The following PIKFYVE variants were observed in gnomAD, a reference collection of about 807,000 sequenced individuals.
The protein encoded by PIKFYVE is phosphoinositide kinase, FYVE-type zinc finger containing.
In PIKFYVE, 122 loss-of-function variants were observed where a neutral mutation model predicts 257.9. The observed-to-expected ratio is 0.47, with a 90% CI of 0.41 to 0.55. The LOEUF (loss-of-function observed/expected upper bound fraction) is 0.55. Ranked by LOEUF, PIKFYVE falls within the 20% of genes least tolerant of loss-of-function variation. The pLI, the probability that PIKFYVE is intolerant of heterozygous loss-of-function variation, is 0.00. For synonymous variants in PIKFYVE, 892 were observed against 868.9 expected, an observed-to-expected ratio of 1.03 and a Z score of -0.47; for missense variants, 2,160 against 2,536.6, an observed-to-expected ratio of 0.85 and a Z score of 3.19.
At chr2:208,313,719 A>T (rs1250560286) in intron 13 of PIKFYVE, among the ~76,000 whole-genome samples, 2 of 151,132 alleles carry the variant, frequency 1.3e-5, no homozygotes, top group African/African-American at 4.9e-5. Context: ...TGTAGCTGGG[A>T]TTACAGGCGT....
chr2:208,322,374 T>TAACAAA (rs1696348521), intron 17 of PIKFYVE, among the ~76,000 whole-genome samples: 1 of 97,808 alleles, frequency 1.0e-5, no homozygotes, highest in Non-Finnish European at 1.9e-5. Context: ...CCCTGTCTCT[T>TAACAAA]AAAAAAAAAA....
At chr2:208,300,207 G>A (rs1337436863) in intron 8 of PIKFYVE, among the ~76,000 whole-genome samples, 1 of 152,074 alleles carries the variant, frequency 6.6e-6, no homozygotes, top group Non-Finnish European at 1.5e-5. Context: ...ATCAGAAAAA[G>A]GCTTAAACTG....
Position 208,329,896 on chromosome 2 carries a change from A to G in PIKFYVE, c.3774A>G (p.Leu1258=). ...ATGATCTTACATTAGGAATATTTTT[A>G]GAGAGATACTGTTTCAGGTAAGAAC... ...GKNDLTLGIF[L]ERYCFRPSYQ... The change falls in exon 22 of 42, where the codon TTA becomes TTG. Residue 1258 remains leucine (L), a synonymous_variant. Transcript: ENST00000264380. 2 of 1,610,736 alleles carry G rather than the reference A, an allele frequency of 1.2e-6. No individual in the cohort carries two copies. The highest frequency in any genetic ancestry group is 1.1e-5 in the South Asian group (1 of 91,030).
chr2:208,326,040 A>G lies in PIKFYVE; in HGVS notation c.3229A>G (p.Thr1077Ala). 6.2e-7 allele frequency: 1 copy of G among 1,614,158 alleles called. No individual in the cohort carries two copies. Among genetic ancestry groups the G allele is most frequent in the Non-Finnish European group, 8.5e-7 (1 of 1,180,014 alleles). ...AACTGAAAAGGGGATGAGATGCTCT[A>G]CCCGAGATTATTTTGCAGAGCAGGT... ...LLTEKGMRCS[T>A]RDYFAEQVYW... Residue 1077 changes from threonine (T) to alanine (A), a missense_variant, in exon 20 of 42, where the codon ACC (threonine) becomes GCC (alanine). Physicochemically the swap from Thr to Ala is moderately conservative, Grantham distance 58. This residue lies in a region of PIKFYVE where 522 missense variants were observed against 514.6 expected (regional missense o/e 1.01). Transcript: ENST00000264380.
chr2:208,269,650 G>A, intron 1 of PIKFYVE: 1 of 261,410 alleles, frequency 3.8e-6, no homozygotes, highest in Non-Finnish European at 7.9e-6. Flanking sequence ...CATCACCTTG[G>A]CACTGGTGAG....
In PIKFYVE at chr2:208,339,424, GCTT is replaced by G; in HGVS notation, c.4683_4685del (p.Phe1561del). 1 of 1,614,032 alleles carries G rather than the reference GCTT, an allele frequency of 6.2e-7. No homozygotes were observed. Among genetic ancestry groups the G allele is most frequent in the African/African-American group, 1.3e-5 (1 of 75,024 alleles). The stretch of plus-strand genomic sequence containing the variant: ...AGATTGTGTTTTTCTTTAGAGGATC[GCTT>G]CTTAACAACTTTGTCCAGCCAGAGC... On this transcript the variant is annotated inframe_deletion, in exon 30 of 42. Coordinates refer to ENST00000264380, the MANE Select transcript of PIKFYVE (RefSeq NM_015040.4).
Position 208,276,708 on chromosome 2 carries a change from T to G in PIKFYVE, c.323-4T>G. 3.1e-6 allele frequency: 5 copies of G among 1,610,506 alleles called. No homozygotes were observed. Among genetic ancestry groups the G allele is most frequent in the Non-Finnish European group, 4.2e-6 (5 of 1,176,810 alleles). On this transcript the variant is annotated splice_polypyrimidine_tract_variant and splice_region_variant and intron_variant, in intron 3 of 41. Transcript: ENST00000264380. ...AAGGTTGCTTTTTTTTTAATCCAAC[T>G]CAGACACAAGAAGGAAAGCAGAACC...
chr2:208,285,975 A>C (rs771186531), intron 6 of PIKFYVE, 42 bp downstream of exon 6: 68 of 1,575,908 alleles, frequency 4.3e-5, no homozygotes, highest in Non-Finnish European at 5.9e-5. Flanking sequence ...GTTGAAAAAT[A>C]TCGATAGTTG....
At chr2:208,280,749 T>TC (rs1690698560) in intron 5 of PIKFYVE, among the ~76,000 whole-genome samples, 1 of 152,226 alleles carries the variant, frequency 6.6e-6, no homozygotes, top group Admixed American at 6.5e-5. Flanking sequence ...AAGTTGGACT[T>TC]ACAGCTACTT....
intron 12 of PIKFYVE, chr2:208,305,692 T>G (rs41311599): frequency 5.5e-6 from 1 of 182,310 alleles, no homozygotes; most frequent in South Asian, 1.9e-4. Context: ...ACATAAGAAA[T>G]GCCTGTTTTT....
At chr2:208,288,706 G>C (rs1174440130) in intron 6 of PIKFYVE, 23 bp from the exon 7 acceptor site, 1 of 1,613,278 alleles carries the variant, frequency 6.2e-7, no homozygotes, top group African/African-American at 1.3e-5. Context: ...AATTATTTCA[G>C]TATTTTCCTA....
intron 1 of PIKFYVE, among the ~76,000 whole-genome samples, chr2:208,271,072 A>C (rs548179658): frequency 1.3e-5 from 2 of 152,104 alleles, no homozygotes; most frequent in South Asian, 4.2e-4. Flanking sequence ...AAGGAAAATA[A>C]GACTGAAGAA....
At chr2:208,284,834 A>G (rs1691331495) in intron 5 of PIKFYVE, among the ~76,000 whole-genome samples, 1 of 151,776 alleles carries the variant, frequency 6.6e-6, no homozygotes, top group Admixed American at 6.6e-5. Flanking sequence ...TTTATTTTAT[A>G]TATGTTTATA....
rs530175167 is a variant in PIKFYVE, at chr2:208,324,892, A to G, written c.2332-19A>G. 1.1e-5 allele frequency: 18 copies of G among 1,612,404 alleles called. No individual in the cohort carries two copies. The highest frequency in any genetic ancestry group is 3.3e-5 in the Admixed American group (2 of 60,002). ...TATTCTTCTCTAGTTTTGTAATACA[A>G]TGTTTTTCTGTTTTGTAGCAAGTTT... On this transcript the variant is annotated intron_variant, in intron 18 of 41. Coordinates refer to ENST00000264380, the MANE Select transcript of PIKFYVE (RefSeq NM_015040.4).
chr2:208,307,971 A>AATTGTATGTATTTATGGGAT (rs1694523453), intron 12 of PIKFYVE, among the ~76,000 whole-genome samples: 3 of 152,324 alleles, frequency 2.0e-5, no homozygotes, highest in Admixed American at 2.0e-4. Flanking sequence ...GACAAATTAT[A>AATTGTATGTATTTATGGGAT]ATTGTATGTA....
In PIKFYVE at chr2:208,339,024, T is replaced by TA. The variant is rs1209653781; in HGVS notation, c.4673-393dup. The stretch of plus-strand genomic sequence containing the variant: ...AGACTGTAGAACCAGGAGCTCAACT[T>TA]ACAATTCTTGGCATTTTTCTATTAT... On this transcript the variant is annotated intron_variant, in intron 29 of 41. Coordinates refer to ENST00000264380, the MANE Select transcript of PIKFYVE (RefSeq NM_015040.4). Among the ~76,000 whole-genome samples, 12 of 152,326 alleles carry TA rather than the reference T, an allele frequency of 7.9e-5. No homozygotes were observed. The East Asian group carries it at 2.3e-3, about 29-fold the overall frequency.
chr2:208,319,535 T>C (rs1428384045), intron 16 of PIKFYVE, among the ~76,000 whole-genome samples: 2 of 152,196 alleles, frequency 1.3e-5, no homozygotes, highest in Non-Finnish European at 2.9e-5. Context: ...TGATTAGAGA[T>C]AGTCCTTGAT....
chr2:208,300,952 A>G lies in PIKFYVE; in HGVS notation c.1066A>G (p.Lys356Glu). The G allele has an allele frequency of 6.2e-7, 1 of 1,614,114 alleles. No individual in the cohort carries two copies. The highest frequency in any genetic ancestry group is 8.5e-7 in the Non-Finnish European group (1 of 1,179,992). ...RKILLDSVQL[K>E]DLWKKICHHS... is the part of the protein sequence containing the mutation. ...GTGATTGCAGGACAGTGTGCAGTTA[A>G]AAGACCTGTGGAAAAAAATCTGCCA... The change falls in exon 9 of 42, where the codon AAA (lysine) becomes GAA (glutamate). Residue 356 changes from lysine (K) to glutamate (E), a missense_variant. By Grantham distance (56) the Lys-to-Glu change is moderately conservative. This residue lies in a region of PIKFYVE where 187 missense variants were observed against 185.6 expected (regional missense o/e 1.01). Coordinates refer to ENST00000264380, the MANE Select transcript of PIKFYVE (RefSeq NM_015040.4).
intron 41 of PIKFYVE, 130 bp downstream of exon 41, chr2:208,354,775 A>AG: frequency 1.3e-6 from 1 of 752,994 alleles, no homozygotes; most frequent in Non-Finnish European, 2.3e-6. Context: ...TGTCATTTCT[A>AG]AAGTGACCAA....
Sources: gnomAD v4.1 joint callset for allele counts (sites outside exome capture counted in the v4.1 genomes callset) on GRCh38, gnomAD v4.1.1 for gene constraint, gnomAD v4.1.1 regional missense constraint, MANE v1.5 for transcripts, NCBI Gene and HGNC (gene_info 2026-07-23, HGNC 2026-07-21) for gene names.